The following OTOG variants were observed in gnomAD, a reference collection of about 807,000 sequenced individuals.
The protein encoded by OTOG is otogelin.
A neutral mutation model predicts 313.8 loss-of-function variants in OTOG; 296 were observed. The observed-to-expected ratio is 0.94, with a 90% confidence interval of 0.86 to 1.04. OTOG has a LOEUF of 1.04. OTOG is among the 50% of genes least tolerant of loss of function. The pLI, the probability that OTOG is intolerant of heterozygous loss-of-function variation, is 0.00. For missense variants in OTOG, 3,948 were observed against 3,840.1 expected (o/e 1.03, Z -0.74); for synonymous variants, 1,533 against 1,554.9 (o/e 0.99, Z 0.33).
chr11:17,608,755 T>C (rs995902555), intron 34 of OTOG, among the ~76,000 whole-genome samples: 1 of 152,168 alleles, frequency 6.6e-6, no homozygotes, highest in Non-Finnish European at 1.5e-5. Flanking sequence ...TGTGTTTGCA[T>C]GTATATGTAA....
chr11:17,578,371 A>G lies in OTOG; in HGVS notation c.2606-2A>G. 6.7e-7 allele frequency: 1 copy of G among 1,502,824 alleles called. No individual in the cohort carries two copies. 93.1% of individuals were successfully genotyped at this position (1,502,824 alleles called of 1,614,324 possible). ...CTCCGCTCCCATCTTCTTCTCTTCC[A>G]GCTGCTGCCTGCCCAGCAGGCCAGG... On this transcript the variant is annotated splice_acceptor_variant, in intron 22 of 55. Transcript: ENST00000399397. LOFTEE classifies it high-confidence loss of function.
chr11:17,635,993 A>AT (rs1410157069), intron 47 of OTOG, among the ~76,000 whole-genome samples: 1 of 152,154 alleles, frequency 6.6e-6, no homozygotes, highest in African/African-American at 2.4e-5. Context: ...GGGTCCCTCC[A>AT]TCCCCCACAG....
intron 31 of OTOG, among the ~76,000 whole-genome samples, chr11:17,600,612 G>T (rs879524836): frequency 1.9e-4 from 29 of 152,198 alleles, no homozygotes; most frequent in Admixed American, 1.9e-3. Context: ...TGTAGCATGA[G>T]CATCCGCAGG....
At chr11:17,549,323 C>A (rs1043588478) in intron 3 of OTOG, among the ~76,000 whole-genome samples, 1 of 152,154 alleles carries the variant, frequency 6.6e-6, no homozygotes, top group Non-Finnish European at 1.5e-5. Flanking sequence ...TGGGGAGAAT[C>A]GTTTATGACA....
At chr11:17,643,665 C>T (rs1009630800) in intron 54 of OTOG, among the ~76,000 whole-genome samples, 159 bp downstream of exon 54, 4 of 152,214 alleles carry the variant, frequency 2.6e-5, no homozygotes, top group African/African-American at 7.2e-5. Flanking sequence ...ACAGGGCTCA[C>T]GGCACTGACG....
chr11:17,631,449 C>T (rs931252084), intron 40 of OTOG, among the ~76,000 whole-genome samples: 3 of 150,388 alleles, frequency 2.0e-5, no homozygotes, highest in East Asian at 1.9e-4. Context: ...ATGCATTTTT[C>T]GGAACCATTA....
intron 33 of OTOG, among the ~76,000 whole-genome samples, chr11:17,607,254 G>A (rs1240401087): frequency 6.6e-6 from 1 of 152,232 alleles, no homozygotes; most frequent in African/African-American, 2.4e-5. Flanking sequence ...TCAGGTTAGG[G>A]CGTCTGGAGG....
intron 12 of OTOG, 107 bp downstream of exon 12, chr11:17,559,769 A>T: frequency 1.6e-6 from 1 of 628,422 alleles, no homozygotes. Flanking sequence ...GAAGGAAGGA[A>T]AGGAGGGAGG....
At chr11:17,569,970 T>TA (rs891410956) in intron 16 of OTOG, among the ~76,000 whole-genome samples, 2 of 152,070 alleles carry the variant, frequency 1.3e-5, no homozygotes, top group South Asian at 2.1e-4. Flanking sequence ...CACTTGATGC[T>TA]AAAAAAAATT....
intron 39 of OTOG, among the ~76,000 whole-genome samples, chr11:17,614,606 C>G (rs1235296641): frequency 1.3e-5 from 2 of 152,156 alleles, no homozygotes; most frequent in Non-Finnish European, 2.9e-5. Context: ...AACCCCTCCC[C>G]CCTCCTGCTG....
In OTOG at chr11:17,629,286, AC is replaced by A; in HGVS notation, c.6684del (p.Ser2229AlafsTer22). ...ACTCATGATCGTGGAGGCCAGCAAAACCAGCAAGGCCCAGGGCCATGGCCTG... is the reference window on the plus strand; with the variant it reads ...ACTCATGATCGTGGAGGCCAGCAAAACAGCAAGGCCCAGGGCCATGGCCTG... ...SGLMIVEASK[T>X]SKAQGHGLCG... On this transcript the variant is annotated frameshift_variant, in exon 40 of 56. Transcript: ENST00000399397. LOFTEE classifies it high-confidence loss of function. The A allele has an allele frequency of 6.4e-7, 1 of 1,550,478 alleles. No homozygotes were observed. Among genetic ancestry groups the A allele is most frequent in the Non-Finnish European group, 8.7e-7 (1 of 1,146,976 alleles).
intron 28 of OTOG, among the ~76,000 whole-genome samples, 152 bp from the exon 29 acceptor site, chr11:17,595,886 A>T (rs1452122620): frequency 1.3e-5 from 2 of 152,196 alleles, no homozygotes; most frequent in African/African-American, 4.8e-5. Flanking sequence ...GGCAAGGTAT[A>T]GGTCCCTTCT....
At position 17,558,592 on chromosome 11, in the gene OTOG, G is replaced by A. The variant is rs756177290; in HGVS notation, c.1051G>A (p.Ala351Thr). The change falls in exon 10 of 56, where the codon GCC becomes ACC. Residue 351 changes from alanine to threonine, a missense_variant. Physicochemically the swap from Ala to Thr is moderately conservative, Grantham distance 58. Transcript: ENST00000399397. ...GCGGCCCCCCTTTGACGCCTGCCACGCCTACGTCAGCCCTCTGCCCTTCAC... is the reference window on the plus strand; with the variant it reads ...GCGGCCCCCCTTTGACGCCTGCCACACCTACGTCAGCCCTCTGCCCTTCAC... The part of the protein sequence containing the change: ...LLRPPFDACH[A>T]YVSPLPFTAS... 1.0e-4 allele frequency: 162 copies of A among 1,550,388 alleles called. No homozygotes were observed. Among genetic ancestry groups the A allele is most frequent in the Admixed American group, 5.9e-5 (3 of 51,006 alleles).
rs918444886 is a variant in OTOG at position 17,574,884 on chromosome 11, G to C, written c.2458G>C (p.Asp820His). Residue 820 changes from aspartate (D) to histidine (H), a missense_variant, in exon 20 of 56, where the codon GAC (aspartate) becomes CAC (histidine). Physicochemically the swap from Asp to His is moderately conservative, Grantham distance 81. Transcript: ENST00000399397. ...GCACPPDTYLDTQADLCVPRN... is the reference protein window; with the variant it reads ...GCACPPDTYLHTQADLCVPRN... ...TGCCTGCCCACCGGACACCTATCTG[G>C]ACACCCAGGCTGACCTCTGTGTCCC... 2.6e-6 allele frequency: 4 copies of C among 1,534,334 alleles called. No individual in the cohort carries two copies. The highest frequency in any genetic ancestry group is 3.5e-6 in the Non-Finnish European group (4 of 1,138,070).
Position 17,600,489 on chromosome 11 carries a change from C to T in OTOG, c.3709+792C>T, listed in dbSNP as rs141695208. Among the ~76,000 whole-genome samples the T allele has an allele frequency of 9.9e-3, 1,507 of 152,296 alleles. 25 individuals are homozygous for T. Among genetic ancestry groups the T allele is most frequent in the Middle Eastern group, 0.027 (8 of 294 alleles). ...GTGGGCAGAGGCCCAGACTTTTTGT[C>T]CTCAGTTGCCTGCATTATCAGATTT... On this transcript the variant is annotated intron_variant, in intron 31 of 55. Transcript: ENST00000399397.
Position 17,556,107 on chromosome 11 carries a change from G to A in OTOG, c.659+210G>A, listed in dbSNP as rs138749442. On this transcript the variant is annotated intron_variant, in intron 7 of 55. Coordinates refer to ENST00000399397, the MANE Select transcript of OTOG (RefSeq NM_001292063.2). ...GATTTTTTTTTTCCTGGAACTCTCA[G>A]ATATTGCAGATTTCCAGACAGCAGG... Among the ~76,000 whole-genome samples, 593 of 152,286 alleles carry A rather than the reference G, an allele frequency of 3.9e-3. 5 individuals carry two copies. Among genetic ancestry groups the A allele is most frequent in the African/African-American group, 0.013 (553 of 41,544 alleles).
intron 25 of OTOG, among the ~76,000 whole-genome samples, chr11:17,592,831 T>C (rs1852981755): frequency 6.6e-6 from 1 of 152,222 alleles, no homozygotes. Context: ...AAAAGCTACA[T>C]ACATTTAAAA....
At chr11:17,571,714 C>T (rs1191611809) in intron 17 of OTOG, among the ~76,000 whole-genome samples, 1 of 152,094 alleles carries the variant, frequency 6.6e-6, no homozygotes. Flanking sequence ...ACAATCCTAG[C>T]CCATTTTGAG....
intron 13 of OTOG, 90 bp downstream of exon 13, chr11:17,560,907 C>T (rs909150768): frequency 8.8e-6 from 11 of 1,246,808 alleles, no homozygotes; most frequent in Admixed American, 8.0e-5. Context: ...TAATGGCTGG[C>T]GTCGGGGCAC....
Sources: allele counts gnomAD v4.1 joint callset (sites outside exome capture counted in the v4.1 genomes callset), GRCh38; gene constraint gnomAD v4.1.1; transcripts MANE v1.5; gene names NCBI Gene and HGNC (gene_info 2026-07-23, HGNC 2026-07-21).